Variants in PLA2G4F observed in about 807,000 individuals in gnomAD.
The protein encoded by PLA2G4F is cytosolic phospholipase A2 zeta.
PLA2G4F carries 105 observed loss-of-function variants against 103.1 expected under a neutral mutation model. The ratio of observed to expected loss-of-function variants is 1.02; its 90% CI spans 0.87 to 1.20. PLA2G4F has a LOEUF of 1.20. Ranked by LOEUF, PLA2G4F falls within the 50% of genes most tolerant of loss-of-function variation. PLA2G4F has a pLI of 0.00. For synonymous variants in PLA2G4F, 468 were observed against 441.1 expected, an observed-to-expected ratio of 1.06 and a Z score of -0.76; for missense variants, 1,155 against 1,075.9, an observed-to-expected ratio of 1.07 and a Z score of -1.03.
chr15:42,146,907 A>C, intron 13 of PLA2G4F: 1 of 564,406 alleles, frequency 1.8e-6, no homozygotes, highest in Non-Finnish European at 3.2e-6. Context: ...CCCAGAGCTG[A>C]GCGCTGCGGA....
At chr15:42,149,477 A>G (rs1368929695) in intron 11 of PLA2G4F, 44 of 982,920 alleles carry the variant, frequency 4.5e-5, no homozygotes, top group Non-Finnish European at 5.0e-5. Flanking sequence ...CATTTCTGTC[A>G]TTTAAGCCAC....
At position 42,142,606 on chromosome 15, in the gene PLA2G4F, T is replaced by C. The variant is rs1451979922; in HGVS notation, c.2251A>G (p.Lys751Glu). The C allele has an allele frequency of 3.1e-6, 5 of 1,613,962 alleles. 1 individual carries two copies. The South Asian group carries it at 3.3e-5, about 11-fold the overall frequency. The change falls in exon 19 of 20, where the codon AAG becomes GAG. Residue 751 changes from lysine (K) to glutamate (E), a missense_variant. Physicochemically the swap from Lys to Glu is moderately conservative, Grantham distance 56. Around this residue, in one of 3 missense-constraint regions of PLA2G4F, gnomAD observed 782 missense variants for 692.9 expected, o/e 1.13. Transcript: ENST00000397272. ...EEARECYLFAKAEDPRSPIVL... is the reference protein window; with the variant it reads ...EEARECYLFAEAEDPRSPIVL... ...ATGGGGGAGCGGGGGTCCTCAGCCT[T>C]GGCAAACAGATAGCACTCACGGGCC...
rs768179406 is a variant in PLA2G4F at position 42,142,179 on chromosome 15, C to G, written c.2355G>C (p.Glu785Asp). 1.2e-6 allele frequency: 2 copies of G among 1,613,504 alleles called. No homozygotes were observed. Among genetic ancestry groups the G allele is most frequent in the African/African-American group, 2.7e-5 (2 of 74,936 alleles). Residue 785 changes from glutamate (E) to aspartate (D), a missense_variant, in exon 20 of 20, where the codon GAG (glutamate) becomes GAC (aspartate). Glu to Asp is a conservative substitution (Grantham distance 45). This residue lies in a region of PLA2G4F where 782 missense variants were observed against 692.9 expected (regional missense o/e 1.13). Coordinates refer to ENST00000397272, the MANE Select transcript of PLA2G4F (RefSeq NM_213600.4). ...APGVERQTAEEKAFGDFVINR... is the reference protein window; with the variant it reads ...APGVERQTAEDKAFGDFVINR... ...TGATGACAAAGTCCCCAAAGGCCTT[C>G]TCCTCAGCTGTTTGTCGCTCCACAC...
intron 12 of PLA2G4F, 97 bp from the exon 13 acceptor site, chr15:42,147,443 T>A: frequency 7.1e-7 from 1 of 1,400,324 alleles, no homozygotes; most frequent in Non-Finnish European, 9.8e-7. Flanking sequence ...CCCCACCACT[T>A]GCACTGCTGC....
intron 7 of PLA2G4F, chr15:42,151,021 G>A (rs532510230): frequency 5.6e-5 from 55 of 985,464 alleles, no homozygotes; most frequent in Non-Finnish European, 6.5e-5. Context: ...CAAATGCCTG[G>A]AGGGGAAGGC....
chr15:42,147,473 A>C, intron 12 of PLA2G4F, 127 bp from the exon 13 acceptor site: 1 of 1,370,422 alleles, frequency 7.3e-7, no homozygotes, highest in Non-Finnish European at 1.0e-6. Context: ...AACCCAACTC[A>C]GAGGGGCGCT....
intron 13 of PLA2G4F, 28 bp downstream of exon 13, chr15:42,147,096 A>G (rs1349460347): frequency 1.3e-6 from 2 of 1,587,292 alleles, no homozygotes; most frequent in Admixed American, 3.3e-5. Context: ...AGAGGAGCCT[A>G]CGTATTTCCT....
chr15:42,156,588 C>G lies in PLA2G4F; in HGVS notation c.-39G>C. 2 of 1,423,802 alleles carry G rather than the reference C, an allele frequency of 1.4e-6. No individual in the cohort carries two copies. The highest frequency in any genetic ancestry group is 9.5e-7 in the Non-Finnish European group (1 of 1,048,152). The allele number at this position is 1,423,802 out of a possible 1,614,324, so 88.2% of individuals were successfully genotyped here. ...GGGCCCCAGCAGGGAACCCTGCCTG[C>G]GCTCCTCTGGTTGCACAAACTGCTG... On this transcript the variant is annotated 5_prime_UTR_variant, in exon 1 of 20. Coordinates refer to ENST00000397272, the MANE Select transcript of PLA2G4F (RefSeq NM_213600.4).
Position 42,150,623 on chromosome 15 carries a change from C to G in PLA2G4F, c.756G>C (p.Leu252=). Residue 252 remains leucine, a synonymous_variant, in exon 8 of 20, where the codon CTG becomes CTC. Coordinates refer to ENST00000397272, the MANE Select transcript of PLA2G4F (RefSeq NM_213600.4). Reference sequence around the variant, plus strand: ...GCGCACTCACCTGCACAGCTGCCAGCAGCTCCATCAGCTCCACGTGTAGCC... The same window carrying G: ...GCGCACTCACCTGCACAGCTGCCAGGAGCTCCATCAGCTCCACGTGTAGCC... The part of the protein sequence containing the change: ...SSRLHVELME[L]LAAVQSGPSA... 1 of 1,609,936 alleles carries G rather than the reference C, an allele frequency of 6.2e-7. No individual in the cohort carries two copies. Among genetic ancestry groups the G allele is most frequent in the East Asian group, 2.2e-5 (1 of 44,856 alleles).
chr15:42,145,945 C>T, intron 14 of PLA2G4F, 42 bp from the exon 15 acceptor site: 1 of 1,606,844 alleles, frequency 6.2e-7, no homozygotes, highest in Non-Finnish European at 8.5e-7. Flanking sequence ...GGGCTTCCCA[C>T]CACGGTGCTT....
Position 42,150,445 on chromosome 15 carries a change from C to T in PLA2G4F, c.813G>A (p.Leu271=), listed in dbSNP as rs139618263. The T allele has an allele frequency of 3.1e-6, 5 of 1,613,448 alleles. No homozygotes were observed. In the African/African-American group the frequency reaches 6.7e-5, roughly 22 times the overall value. Residue 271 remains leucine (L), a synonymous_variant, in exon 9 of 20, where the codon CTG becomes CTA. Transcript: ENST00000397272. ...SAELEAQTSK[L]GEGGILLSSL... is the part of the protein sequence containing the mutation. ...AGGAGAGCAGGATGCCCCCCTCGCC[C>T]AGCTTGCTGGTCTGAGCCTCCAACT...
intron 16 of PLA2G4F, among the ~76,000 whole-genome samples, chr15:42,145,222 C>A (rs146259843): frequency 6.6e-6 from 1 of 152,176 alleles, no homozygotes; most frequent in African/African-American, 2.4e-5. Flanking sequence ...AACTGAAGAA[C>A]AGAGCAAAAG....
rs757940604 is a variant in PLA2G4F at position 42,155,637 on chromosome 15, TCCCTCGCCCCATTGTTC to T, written c.112-65_112-49del. 589 of 1,570,080 alleles carry T rather than the reference TCCCTCGCCCCATTGTTC, an allele frequency of 3.8e-4. 1 individual carries two copies. The highest frequency in any genetic ancestry group is 4.7e-4 in the Non-Finnish European group (534 of 1,141,102). On this transcript the variant is annotated intron_variant, in intron 1 of 19. Transcript: ENST00000397272. ...ACTCAGTCAGCTAGTGTGAGCCTGG[TCCCTCGCCCCATTGTTC>T]CCCTCGTCCCATCATGGAGCAGCAA...
rs1218714953 is a variant in PLA2G4F at position 42,141,166 on chromosome 15, C to T, written c.*818G>A. The T allele has an allele frequency of 2.0e-5, 9 of 450,226 alleles. No individual in the cohort carries two copies. The highest frequency in any genetic ancestry group is 4.0e-5 in the African/African-American group (2 of 49,978). 27.9% of individuals were successfully genotyped at this position (450,226 alleles called of 1,614,324 possible). ...CACATACAGGTGCACACCTCTCCCC[C>T]GATGAACTGATGCCCCTACTAGACA... On this transcript the variant is annotated 3_prime_UTR_variant, in exon 20 of 20. Coordinates refer to ENST00000397272, the MANE Select transcript of PLA2G4F (RefSeq NM_213600.4).
At chr15:42,146,291 C>G (rs764714648) in intron 13 of PLA2G4F, 50 bp from the exon 14 acceptor site, 16 of 1,562,080 alleles carry the variant, frequency 1.0e-5, no homozygotes, top group Non-Finnish European at 1.4e-5. Context: ...GTTCCATTCC[C>G]CATCCCCGTG....
intron 18 of PLA2G4F, among the ~76,000 whole-genome samples, chr15:42,143,218 G>C (rs952563939): frequency 7.0e-6 from 1 of 142,832 alleles, no homozygotes; most frequent in Non-Finnish European, 1.5e-5. Context: ...TCCCCATCCA[G>C]TGGTGTTGTG....
At position 42,152,646 on chromosome 15, in the gene PLA2G4F, G is replaced by A. The variant is rs143654794; in HGVS notation, c.601+42C>T. ...CCTTGACATCAGTAGTTCCAACCCC[G>A]GGAGAGAAGGCAAAAGACCCAAGGC... On this transcript the variant is annotated intron_variant, in intron 7 of 19. Coordinates refer to ENST00000397272, the MANE Select transcript of PLA2G4F (RefSeq NM_213600.4). 8.7e-5 allele frequency: 135 copies of A among 1,547,660 alleles called. No homozygotes were observed. The African/African-American group carries it at 1.6e-3, about 18-fold the overall frequency.
chr15:42,146,671 A>C (rs1265678212), intron 13 of PLA2G4F: 1 of 217,348 alleles, frequency 4.6e-6, no homozygotes, highest in South Asian at 8.6e-5. Context: ...GCAGCTCCGA[A>C]TCTTATCGCC....
rs1049143707 is a variant in PLA2G4F, at chr15:42,141,709, G to T, written c.*275C>A. On this transcript the variant is annotated 3_prime_UTR_variant, in exon 20 of 20. Transcript: ENST00000397272. ...GCTCACCTGATTCTCTCCACACCCC[G>T]CTGTGAAATGAGTGCTGTTCTCTTC... The T allele has an allele frequency of 7.0e-6, 4 of 569,708 alleles. No homozygotes were observed. The East Asian group carries it at 1.6e-4, about 23-fold the overall frequency. 35.3% of individuals were successfully genotyped at this position (569,708 alleles called of 1,614,324 possible).
Sources: gnomAD v4.1 joint callset for allele counts (sites outside exome capture counted in the v4.1 genomes callset) on GRCh38, gnomAD v4.1.1 for gene constraint, gnomAD v4.1.1 regional missense constraint, MANE v1.5 for transcripts, NCBI Gene and HGNC (gene_info 2026-07-23, HGNC 2026-07-21) for gene names.